The following SLC25A23 variants were observed in gnomAD, a reference collection of about 807,000 sequenced individuals.
The protein encoded by SLC25A23 is mitochondrial adenyl nucleotide antiporter SLC25A23.
SLC25A23 carries 32 observed loss-of-function variants against 53.9 expected under a neutral mutation model. The observed-to-expected ratio is 0.59, with a 90% CI of 0.45 to 0.80. The LOEUF is 0.80. SLC25A23 is among the 30% of genes least tolerant of loss of function. The pLI is 0.00. For missense variants in SLC25A23, 575 were observed against 651.4 expected (o/e 0.88, Z 1.28); for synonymous variants, 275 against 264.5 (o/e 1.04, Z -0.38).
At chr19:6,448,502 G>A (rs1024359981) in intron 8 of SLC25A23, among the ~76,000 whole-genome samples, 10 of 147,176 alleles carry the variant, frequency 6.8e-5, no homozygotes, top group Admixed American at 2.8e-4. Flanking sequence ...ATGAAATCTC[G>A]CTCTCTCACC....
intron 9 of SLC25A23, chr19:6,443,495 T>C: frequency 3.0e-6 from 2 of 664,292 alleles, no homozygotes; most frequent in Non-Finnish European, 5.5e-6. Flanking sequence ...CCTAAAGTGC[T>C]GGGATTACAG....
chr19:6,436,193 C>T (rs2144680815), downstream of SLC25A23: 4 of 272,338 alleles, frequency 1.5e-5, no homozygotes, highest in South Asian at 1.5e-4. Flanking sequence ...ATATTCTGAG[C>T]ATTAGGAACT....
At chr19:6,447,784 T>A (rs1455634752) in intron 8 of SLC25A23, among the ~76,000 whole-genome samples, 1 of 152,172 alleles carries the variant, frequency 6.6e-6, no homozygotes, top group Non-Finnish European at 1.5e-5. Flanking sequence ...AATTCTCCTG[T>A]CTTAGCCTCC....
chr19:6,447,966 C>T (rs1178322676), intron 8 of SLC25A23, among the ~76,000 whole-genome samples: 4 of 152,186 alleles, frequency 2.6e-5, no homozygotes, highest in African/African-American at 7.2e-5. Context: ...CCACCATGCC[C>T]GGCCCTATTA....
Position 6,459,437 on chromosome 19 carries a change from G to A in SLC25A23, c.156+36C>T, listed in dbSNP as rs1173677139. 5 of 1,549,004 alleles carry A rather than the reference G, an allele frequency of 3.2e-6. No homozygotes were observed. The highest frequency in any genetic ancestry group is 1.2e-5 in the South Asian group (1 of 85,476). On this transcript the variant is annotated intron_variant, in intron 1 of 9. Transcript: ENST00000301454. This position sits in a 1 kb window ranked among gnomAD's most constrained non-coding sequence, Gnocchi z 4.6. ...GCTTGGGTAACCGGGAGCGGGCGGG[G>A]CCGGGAGGGGAGGAGGTCCCTGGGG...
intron 2 of SLC25A23, 101 bp downstream of exon 2, chr19:6,458,097 C>T (rs2092706297): frequency 2.8e-6 from 4 of 1,443,428 alleles, no homozygotes; most frequent in Non-Finnish European, 1.9e-6. Context: ...AAGCGGCCCT[C>T]CCCCTCTCCT....
chr19:6,453,926 T>C (rs2092632671), intron 7 of SLC25A23, 55 bp downstream of exon 7: 2 of 1,430,276 alleles, frequency 1.4e-6, no homozygotes, highest in Non-Finnish European at 1.9e-6. Flanking sequence ...GTGAGATGGG[T>C]ACAGCAGGCC....
chr19:6,456,318 A>C, intron 4 of SLC25A23, 102 bp downstream of exon 4: 2 of 1,197,750 alleles, frequency 1.7e-6, no homozygotes, highest in Non-Finnish European at 2.4e-6. Context: ...CTCCTTCTGG[A>C]AAGTCCTGGT....
At position 6,459,468 on chromosome 19, in the gene SLC25A23, G is replaced by A. The variant is rs1223389215; in HGVS notation, c.156+5C>T. The A allele has an allele frequency of 1.3e-6, 2 of 1,584,974 alleles. No individual in the cohort carries two copies. The highest frequency in any genetic ancestry group is 1.4e-5 in the African/African-American group (1 of 73,932). On this transcript the variant is annotated splice_donor_5th_base_variant and intron_variant, in intron 1 of 9. Coordinates refer to ENST00000301454, the MANE Select transcript of SLC25A23 (RefSeq NM_024103.3). This position sits in a 1 kb window ranked among gnomAD's most constrained non-coding sequence, Gnocchi z 4.6. The stretch of plus-strand genomic sequence containing the variant: ...AGGGGAGGAGGTCCCTGGGGGTGGG[G>A]GTACCTGTTGGGCGCCGGGGTCTGG...
rs1159378198 is a variant in SLC25A23, at chr19:6,441,775, G to A, written c.*200C>T. On this transcript the variant is annotated 3_prime_UTR_variant, in exon 10 of 10. Transcript: ENST00000301454. Reference sequence around the variant, plus strand: ...AAGGGTGGGGATCGCATGACCCAGTGGTTGGGGCATAGGAGTCTAGGATCC... The same window carrying A: ...AAGGGTGGGGATCGCATGACCCAGTAGTTGGGGCATAGGAGTCTAGGATCC... 2 of 542,178 alleles carry A rather than the reference G, an allele frequency of 3.7e-6. No individual in the cohort carries two copies. The highest frequency in any genetic ancestry group is 3.2e-6 in the Non-Finnish European group (1 of 311,364). The allele number at this position is 542,178 out of a possible 1,614,324, so 33.6% of individuals were successfully genotyped here.
chr19:6,440,146 C>T lies in SLC25A23; in HGVS notation c.*1829G>A, dbSNP rs1043454214. 2.0e-5 allele frequency: 3 copies of T among 152,354 alleles called. No homozygotes were observed. The East Asian group carries it at 5.8e-4, about 30-fold the overall frequency. The allele number at this position is 152,354 out of a possible 1,614,324, so 9.4% of individuals were successfully genotyped here. A position where few individuals can be genotyped will look rare whatever the true frequency, so the allele number is the denominator to read the frequency against. The stretch of plus-strand genomic sequence containing the variant: ...CAGGGAGGTGGGGCGCAGTGGAGGT[C>T]GAAGGAGGTGGAAGCGTGCGGAAGT... On this transcript the variant is annotated 3_prime_UTR_variant, in exon 10 of 10. Coordinates refer to ENST00000301454, the MANE Select transcript of SLC25A23 (RefSeq NM_024103.3).
chr19:6,444,337 G>A (rs1217136778), intron 8 of SLC25A23, 36 bp from the exon 9 acceptor site: 4 of 1,550,116 alleles, frequency 2.6e-6, no homozygotes, highest in Non-Finnish European at 3.5e-6. Flanking sequence ...GGTTGGGGTG[G>A]GTGACCCTAG....
chr19:6,439,008 T>C (rs527329656), downstream of SLC25A23, among the ~76,000 whole-genome samples: 7 of 152,200 alleles, frequency 4.6e-5, no homozygotes, highest in Admixed American at 4.6e-4. Context: ...GTCACTGCAC[T>C]ACAGCCTGGG....
intron 9 of SLC25A23, chr19:6,443,559 T>C (rs972741598): frequency 8.5e-6 from 6 of 702,284 alleles, no homozygotes; most frequent in African/African-American, 1.7e-5. Context: ...CCTAAATCAA[T>C]ACTTAATTCC....
In SLC25A23 at chr19:6,454,469, C is replaced by A. The variant is rs201308330; in HGVS notation, c.649G>T (p.Ala217Ser). The A allele has an allele frequency of 5.5e-5, 89 of 1,613,914 alleles. No homozygotes were observed. Among genetic ancestry groups the A allele is most frequent in the Non-Finnish European group, 4.2e-5 (50 of 1,179,986 alleles). Residue 217 changes from alanine to serine, a missense_variant, in exon 6 of 10, where the codon GCC becomes TCC. Ala to Ser is a moderately conservative substitution (Grantham distance 99). Transcript: ENST00000301454. This position sits in a 1 kb window ranked among gnomAD's most constrained non-coding sequence, Gnocchi z 4.3. ...ATGTTCAGCCGGTTGGTCTTTGAGG[C>A]ATGGACCTGAATGGGGAGACAACAG... ...DRLKVFMQVH[A>S]SKTNRLNILG... is the part of the protein sequence containing the mutation.
At chr19:6,436,904 A>C (rs2144692490), downstream of SLC25A23, among the ~76,000 whole-genome samples, 1 of 152,090 alleles carries the variant, frequency 6.6e-6, no homozygotes, top group Admixed American at 6.6e-5. Context: ...GCTGGAGTGC[A>C]ATGGACCAAT....
chr19:6,442,149 C>T lies in SLC25A23; in HGVS notation c.1233G>A (p.Glu411=). The T allele has an allele frequency of 1.3e-6, 2 of 1,552,408 alleles. No individual in the cohort carries two copies. The highest frequency in any genetic ancestry group is 1.2e-5 in the South Asian group (1 of 84,990). Residue 411 remains glutamate, a synonymous_variant, in exon 10 of 10, where the codon GAG becomes GAA. Coordinates refer to ENST00000301454, the MANE Select transcript of SLC25A23 (RefSeq NM_024103.3). Reference sequence around the variant, plus strand: ...CCAGCATGGACAGCTGGGGGCCACCCTCGATGGAGGCTGGGAGGGGGCGGG... The same window carrying T: ...CCAGCATGGACAGCTGGGGGCCACCTTCGATGGAGGCTGGGAGGGGGCGGG... ...RTRMQAQASI[E]GGPQLSMLGL...
Position 6,442,179 on chromosome 19 carries a change from GC to G in SLC25A23, c.1223-21del, listed in dbSNP as rs769340108. 49 of 1,456,612 alleles carry G rather than the reference GC, an allele frequency of 3.4e-5. 1 individual carries two copies. Among genetic ancestry groups the G allele is most frequent in the South Asian group, 1.2e-4 (9 of 74,680 alleles). 90.2% of individuals were successfully genotyped at this position (1,456,612 alleles called of 1,614,324 possible). A position where few individuals can be genotyped will look rare whatever the true frequency, so the allele number is the denominator to read the frequency against. On this transcript the variant is annotated intron_variant, in intron 9 of 9. Coordinates refer to ENST00000301454, the MANE Select transcript of SLC25A23 (RefSeq NM_024103.3). Reference sequence around the variant, plus strand: ...TGGAGGCTGGGAGGGGGCGGGGGGGGCACCAGGTAAGGCCAACGTTCCCCTT... The same window carrying G: ...TGGAGGCTGGGAGGGGGCGGGGGGGGACCAGGTAAGGCCAACGTTCCCCTT...
chr19:6,444,404 G>A, intron 8 of SLC25A23, 103 bp from the exon 9 acceptor site: 1 of 1,282,450 alleles, frequency 7.8e-7, no homozygotes, highest in South Asian at 1.5e-5. Flanking sequence ...GGTGCTACTA[G>A]CTGAGCACTT....
Sources: allele counts gnomAD v4.1 joint callset (sites outside exome capture counted in the v4.1 genomes callset), GRCh38; gene constraint gnomAD v4.1.1; non-coding constraint Gnocchi (gnomAD v3.1); transcripts MANE v1.5; gene names NCBI Gene and HGNC (gene_info 2026-07-23, HGNC 2026-07-21).